ROBO1: variants seen among roughly 807,000 people sequenced by gnomAD.
The protein encoded by ROBO1 is roundabout homolog 1.
Under a neutral mutation model 195.9 loss-of-function variants are expected in ROBO1, and 149 were observed. The ratio of observed to expected loss-of-function variants is 0.76; its 90% CI spans 0.67 to 0.87. The LOEUF is 0.87. Ranked by LOEUF, ROBO1 falls within the 40% of genes least tolerant of loss-of-function variation. ROBO1 has a pLI of 0.00. For missense variants in ROBO1, 1,933 were observed against 2,068.3 expected, an observed-to-expected ratio of 0.93 and a Z score of 1.27; for synonymous variants, 816 against 733.2, an observed-to-expected ratio of 1.11 and a Z score of -1.82.
intron 2 of ROBO1, among the ~76,000 whole-genome samples, chr3:79,521,461 A>G (rs1443919059): frequency 6.6e-6 from 1 of 152,182 alleles, no homozygotes; most frequent in Non-Finnish European, 1.5e-5. Flanking sequence ...CGCCCCTTCA[A>G]AAATCACTGG....
rs149230583 is a variant in ROBO1 at position 79,395,698 on chromosome 3, A to C, written c.88+194126T>G. 3.9e-5 allele frequency among the ~76,000 whole-genome samples: 6 copies of C among 152,210 alleles called. No individual in the cohort carries two copies. In the East Asian group the frequency reaches 1.2e-3, roughly 29 times the overall value. ...TATAGTGGAGATTATACTAAATACA[A>C]ATTTTCCCACCTAAATTTTTCATGA... On this transcript the variant is annotated intron_variant, in intron 2 of 30. Coordinates refer to ENST00000464233, the MANE Select transcript of ROBO1 (RefSeq NM_002941.4).
intron 3 of ROBO1, among the ~76,000 whole-genome samples, chr3:79,048,798 T>G (rs1179772312): frequency 1.3e-5 from 2 of 152,070 alleles, no homozygotes; most frequent in Non-Finnish European, 2.9e-5. Context: ...GACCTGCAGC[T>G]GAGGGGCCTG....
intron 2 of ROBO1, among the ~76,000 whole-genome samples, chr3:79,402,065 T>G (rs546413372): frequency 6.6e-6 from 1 of 151,944 alleles, no homozygotes; most frequent in Admixed American, 6.6e-5. Flanking sequence ...TATAAGCTAC[T>G]GTTCAGTGTG....
At chr3:78,883,734 A>G (rs1033716479) in intron 4 of ROBO1, among the ~76,000 whole-genome samples, 1 of 152,140 alleles carries the variant, frequency 6.6e-6, no homozygotes, top group African/African-American at 2.4e-5. Flanking sequence ...TTTTAAATAT[A>G]GTATAGTTTT....
At chr3:78,871,295 G>C (rs986398088) in intron 4 of ROBO1, among the ~76,000 whole-genome samples, 1 of 152,160 alleles carries the variant, frequency 6.6e-6, no homozygotes, top group African/African-American at 2.4e-5. Flanking sequence ...CAGTCATTAG[G>C]AAGGTCTGTG....
chr3:79,239,305 A>G (rs1576858510), intron 2 of ROBO1, among the ~76,000 whole-genome samples: 1 of 152,206 alleles, frequency 6.6e-6, no homozygotes, highest in East Asian at 1.9e-4. Flanking sequence ...GTTATAAAAC[A>G]AATTACATAA....
At chr3:79,491,954 T>C (rs1156771845) in intron 2 of ROBO1, among the ~76,000 whole-genome samples, 1 of 151,926 alleles carries the variant, frequency 6.6e-6, no homozygotes, top group East Asian at 1.9e-4. Context: ...ACAGCAGTAG[T>C]GTGAATAGAG....
At chr3:79,101,990 G>T (rs1197674555) in intron 3 of ROBO1, among the ~76,000 whole-genome samples, 1 of 151,728 alleles carries the variant, frequency 6.6e-6, no homozygotes, top group Non-Finnish European at 1.5e-5. Context: ...ATACTCTGGA[G>T]GATGTAGTCA....
At chr3:78,748,971 C>T (rs2082724504) in intron 4 of ROBO1, among the ~76,000 whole-genome samples, 1 of 152,060 alleles carries the variant, frequency 6.6e-6, no homozygotes, top group African/African-American at 2.4e-5. Flanking sequence ...AAACTGAAAA[C>T]TCCAGCTACT....
intron 17 of ROBO1, among the ~76,000 whole-genome samples, chr3:78,658,491 G>A (rs1409441380): frequency 1.3e-5 from 2 of 152,134 alleles, no homozygotes; most frequent in South Asian, 2.1e-4. Flanking sequence ...GGCTTTCACT[G>A]TGTTGGCCAG....
chr3:78,805,935 C>A (rs72894434), intron 4 of ROBO1, among the ~76,000 whole-genome samples: 6,488 of 151,966 alleles, frequency 0.043, 398 homozygotes, highest in African/African-American at 0.14. Context: ...CAATAGACTT[C>A]AAAAAACTTT....
At chr3:79,691,910 A>T (rs533328764) in intron 1 of ROBO1, among the ~76,000 whole-genome samples, 2 of 152,030 alleles carry the variant, frequency 1.3e-5, no homozygotes, top group Non-Finnish European at 2.9e-5. Context: ...CATGAAGCAC[A>T]TTTTTGGCTT....
intron 3 of ROBO1, among the ~76,000 whole-genome samples, chr3:79,006,084 C>A (rs1451017984): frequency 1.3e-5 from 2 of 152,006 alleles, no homozygotes; most frequent in African/African-American, 2.4e-5. Context: ...TTGATAATTT[C>A]TCTTCTTATT....
At chr3:78,677,256 C>G (rs1347041192) in intron 10 of ROBO1, among the ~76,000 whole-genome samples, 20 of 152,200 alleles carry the variant, frequency 1.3e-4, no homozygotes, top group Admixed American at 2.6e-4. Flanking sequence ...TAGGAAGAAA[C>G]TGCATCAACC....
chr3:79,690,115 T>C (rs751340216), intron 1 of ROBO1, among the ~76,000 whole-genome samples: 9 of 151,884 alleles, frequency 5.9e-5, no homozygotes, highest in Non-Finnish European at 1.3e-4. Context: ...TTTACAAAAG[T>C]ATTAGGAAAA....
chr3:79,563,130 A>G (rs1326394099), intron 2 of ROBO1, among the ~76,000 whole-genome samples: 1 of 152,026 alleles, frequency 6.6e-6, no homozygotes, highest in African/African-American at 2.4e-5. Context: ...GAGTAAAAAC[A>G]TTGCACGTGG....
chr3:78,834,146 A>C (rs757982876), intron 4 of ROBO1, among the ~76,000 whole-genome samples: 23 of 152,116 alleles, frequency 1.5e-4, no homozygotes, highest in Admixed American at 3.3e-4. Context: ...AAGAGATACA[A>C]TGAAGTGGTG....
In ROBO1 at chr3:78,909,247, GA is replaced by G. The variant is rs947086652; in HGVS notation, c.499+29353del. Among the ~76,000 whole-genome samples the G allele has an allele frequency of 9.4e-5, 14 of 149,352 alleles. No individual in the cohort carries two copies. The South Asian group carries it at 1.1e-3, about 11-fold the overall frequency. ...TATCAAAGATATTCTTCTTTAAACA[GA>G]AAAAAAAATTCACATTAAATTTAAA... is the stretch of plus-strand genomic sequence containing the variant. On this transcript the variant is annotated intron_variant, in intron 4 of 30. Transcript: ENST00000464233.
At chr3:79,167,783 G>C (rs1452430851) in intron 2 of ROBO1, among the ~76,000 whole-genome samples, 1 of 152,154 alleles carries the variant, frequency 6.6e-6, no homozygotes, top group Admixed American at 6.6e-5. Flanking sequence ...ACTTGGGTTT[G>C]AATTTTTGGT....
Sources: gnomAD v4.1 joint callset for allele counts (sites outside exome capture counted in the v4.1 genomes callset) on GRCh38, gnomAD v4.1.1 for gene constraint, MANE v1.5 for transcripts, NCBI Gene and HGNC (gene_info 2026-07-23, HGNC 2026-07-21) for gene names.